SARM1: variants seen among roughly 807,000 people sequenced by gnomAD.
SARM1 encodes sterile alpha and TIR motif containing 1.
In SARM1, 60 loss-of-function variants were observed where a neutral mutation model predicts 65.1. The ratio of observed to expected loss-of-function variants is 0.92; its 90% confidence interval spans 0.75 to 1.14. SARM1 has a LOEUF of 1.14. SARM1 is among the 50% of genes most tolerant of loss of function. SARM1 has a pLI of 0.00. For synonymous variants in SARM1, 417 were observed against 465.4 expected (o/e 0.90, Z 1.34); for missense variants, 913 against 1,015.7 (o/e 0.90, Z 1.37).
Position 28,384,855 on chromosome 17 carries a change from G to GC in SARM1, c.1320dup (p.Asp441ArgfsTer28). ...CTCCCCCAGGAGCAGCAGGTGGATG[G>GC]CGACCTGCTTCTGCGGCTCACGGAG... On this transcript the variant is annotated frameshift_variant, in exon 4 of 9. Coordinates refer to ENST00000585482, the MANE Select transcript of SARM1 (RefSeq NM_015077.4). LOFTEE classifies it high-confidence loss of function. This position sits in a 1 kb window ranked among gnomAD's most constrained non-coding sequence, Gnocchi z 4.4. The GC allele has an allele frequency of 6.4e-7, 1 of 1,554,518 alleles. No individual in the cohort carries two copies. The highest frequency in any genetic ancestry group is 1.2e-5 in the South Asian group (1 of 84,208).
At chr17:28,377,461 A>G (rs1597816287) in intron 1 of SARM1, among the ~76,000 whole-genome samples, 1 of 152,336 alleles carries the variant, frequency 6.6e-6, no homozygotes, top group South Asian at 2.1e-4. Flanking sequence ...AAAATCAGCC[A>G]GACATGGTGG....
intron 2 of SARM1, among the ~76,000 whole-genome samples, chr17:28,383,353 T>C (rs1052933350): frequency 6.6e-6 from 1 of 152,124 alleles, no homozygotes; most frequent in Non-Finnish European, 1.5e-5. Flanking sequence ...CAGCCTGGGC[T>C]ACAAAGTGAG....
Position 28,403,017 on chromosome 17 carries a change from A to G in SARM1, c.*6731A>G, listed in dbSNP as rs1421389887. On this transcript the variant is annotated 3_prime_UTR_variant, in exon 9 of 9. Coordinates refer to ENST00000585482, the MANE Select transcript of SARM1 (RefSeq NM_015077.4). ...GAAGGCACAAAGAGGAGGAGAGTCA[A>G]TGTGAGCACAGAGGCAGAGACTGGT... 5.9e-5 allele frequency: 9 copies of G among 152,378 alleles called. No homozygotes were observed. Among genetic ancestry groups the G allele is most frequent in the African/African-American group, 1.9e-4 (8 of 41,564 alleles). 9.4% of individuals were successfully genotyped at this position (152,378 alleles called of 1,614,324 possible). A position where few individuals can be genotyped will look rare whatever the true frequency, so the allele number is the denominator to read the frequency against.
At chr17:28,379,327 T>TTC (rs1394243898) in intron 1 of SARM1, among the ~76,000 whole-genome samples, 3 of 146,780 alleles carry the variant, frequency 2.0e-5, no homozygotes, top group African/African-American at 7.6e-5. Context: ...TTTTTTTTTT[T>TTC]TGAGACGGAG....
chr17:28,382,727 C>T (rs1181188455), intron 2 of SARM1, among the ~76,000 whole-genome samples: 3 of 152,158 alleles, frequency 2.0e-5, no homozygotes, highest in Non-Finnish European at 4.4e-5. Flanking sequence ...GTGGATTGTA[C>T]TTTTTGGAAA....
At chr17:28,387,216 C>CTTTTG (rs1555586123) in intron 5 of SARM1, among the ~76,000 whole-genome samples, 5 of 149,702 alleles carry the variant, frequency 3.3e-5, no homozygotes, top group Non-Finnish European at 7.4e-5. Flanking sequence ...CTGGGCAATT[C>CTTTTG]TTTTCTTTTC....
chr17:28,400,462 C>T lies in SARM1; in HGVS notation c.*4176C>T, dbSNP rs1243340632. 2 of 1,010,468 alleles carry T rather than the reference C, an allele frequency of 2.0e-6. No homozygotes were observed. The highest frequency in any genetic ancestry group is 2.7e-5 in the Admixed American group (1 of 37,206). 62.6% of individuals were successfully genotyped at this position (1,010,468 alleles called of 1,614,324 possible). On this transcript the variant is annotated 3_prime_UTR_variant, in exon 9 of 9. Coordinates refer to ENST00000585482, the MANE Select transcript of SARM1 (RefSeq NM_015077.4). ...AATGGCTCCTGGAGGATTAGGCAGC[C>T]ATCTGCAAGGAGAGGGGCAACCTGG...
chr17:28,394,447 C>T (rs1257664787), intron 7 of SARM1, among the ~76,000 whole-genome samples: 1 of 152,204 alleles, frequency 6.6e-6, no homozygotes, highest in East Asian at 1.9e-4. Context: ...TGGGGTTTTT[C>T]CCACACTAAC....
Position 28,384,960 on chromosome 17 carries a change from G to A in SARM1, c.1394+30G>A, listed in dbSNP as rs1433502567. 6.3e-7 allele frequency: 1 copy of A among 1,583,806 alleles called. No individual in the cohort carries two copies. Among genetic ancestry groups the A allele is most frequent in the East Asian group, 2.3e-5 (1 of 43,040 alleles). The stretch of plus-strand genomic sequence containing the variant: ...GGAGCCTCCTGCCCGCCGGACCCCA[G>A]CTAGGTCTAAATAAGCTCCCCCTCC... On this transcript the variant is annotated intron_variant, in intron 4 of 8. Coordinates refer to ENST00000585482, the MANE Select transcript of SARM1 (RefSeq NM_015077.4). This position sits in a 1 kb window ranked among gnomAD's most constrained non-coding sequence, Gnocchi z 4.4.
chr17:28,389,348 G>A (rs1363896075), intron 7 of SARM1, among the ~76,000 whole-genome samples: 1 of 152,052 alleles, frequency 6.6e-6, no homozygotes, highest in African/African-American at 2.4e-5. Context: ...AATAATGGTA[G>A]CAATTATTAT....
rs554904668 is a variant in SARM1, at chr17:28,372,550, G to T, written c.470+48G>T. ...GGGAGAGCGCCGCGTGGTGTGGACAGTTAAGCGCCTGCGTTCCCGTGTGCC... is the reference window on the plus strand; with the variant it reads ...GGGAGAGCGCCGCGTGGTGTGGACATTTAAGCGCCTGCGTTCCCGTGTGCC... On this transcript the variant is annotated intron_variant, in intron 1 of 8. Transcript: ENST00000585482. This position sits in a 1 kb window ranked among gnomAD's most constrained non-coding sequence, Gnocchi z 5.2. The T allele has an allele frequency of 7.1e-7, 1 of 1,414,932 alleles. No individual in the cohort carries two copies. The allele number at this position is 1,414,932 out of a possible 1,614,324, so 87.6% of individuals were successfully genotyped here. A position where few individuals can be genotyped will look rare whatever the true frequency, so the allele number is the denominator to read the frequency against.
Position 28,396,214 on chromosome 17 carries a change from C to T in SARM1, c.2103C>T (p.Gly701=), listed in dbSNP as rs782804151. ...AGAAGATCATCCGCTTCCTGCAGGG[C>T]CGCTCCTCCCGGGACTCATCTGCAG... ...TIEKIIRFLQ[G]RSSRDSSAGS... The change falls in exon 9 of 9, where the codon GGC becomes GGT. Residue 701 remains glycine (G), a synonymous_variant. Transcript: ENST00000585482. The T allele has an allele frequency of 2.5e-6, 4 of 1,613,898 alleles. No homozygotes were observed. Among genetic ancestry groups the T allele is most frequent in the South Asian group, 2.2e-5 (2 of 91,094 alleles).
chr17:28,377,665 T>C (rs2068000484), intron 1 of SARM1, among the ~76,000 whole-genome samples: 1 of 152,054 alleles, frequency 6.6e-6, no homozygotes. Context: ...TGGCTAGGCC[T>C]CTACCTCTTT....
chr17:28,391,686 G>A (rs1356268464), intron 7 of SARM1, among the ~76,000 whole-genome samples: 1 of 141,752 alleles, frequency 7.1e-6, no homozygotes, highest in Non-Finnish European at 1.5e-5. Context: ...ATGGTACAAA[G>A]GAGGCTCTAT....
In SARM1 at chr17:28,385,076, C is replaced by G. The variant is rs1269370648; in HGVS notation, c.1431C>G (p.Ala477=). The G allele has an allele frequency of 1.9e-6, 3 of 1,613,784 alleles. No homozygotes were observed. Among genetic ancestry groups the G allele is most frequent in the Non-Finnish European group, 2.5e-6 (3 of 1,179,862 alleles). ...AGCTCACGGAGCTCAAGACCTTCGC[C>G]AACTATTCTACGTGCGACCGCAGCA... ...FRELTELKTF[A]NYSTCDRSNL... The change falls in exon 5 of 9, where the codon GCC becomes GCG. Residue 477 remains alanine (A), a synonymous_variant. Transcript: ENST00000585482. This position sits in a 1 kb window ranked among gnomAD's most constrained non-coding sequence, Gnocchi z 4.5.
intron 2 of SARM1, among the ~76,000 whole-genome samples, chr17:28,383,965 A>C (rs2068037057): frequency 6.6e-6 from 1 of 152,178 alleles, no homozygotes; most frequent in African/African-American, 2.4e-5. Flanking sequence ...GAGGTGTGAA[A>C]GCCTTGGAAT....
chr17:28,385,278 C>CAGCCCGCTCACCCGGG lies in SARM1; in HGVS notation c.1630+5_1630+20dup. ...CCGCATCCTCACGGCGGCCAGAGGT[C>CAGCCCGCTCACCCGGG]AGCCCGCTCACCCGGGACCCCGCCC... On this transcript the variant is annotated splice_donor_region_variant and intron_variant, in intron 5 of 8. Coordinates refer to ENST00000585482, the MANE Select transcript of SARM1 (RefSeq NM_015077.4). This position sits in a 1 kb window ranked among gnomAD's most constrained non-coding sequence, Gnocchi z 4.5. 20 of 1,528,318 alleles carry CAGCCCGCTCACCCGGG rather than the reference C, an allele frequency of 1.3e-5. No individual in the cohort carries two copies. The highest frequency in any genetic ancestry group is 1.8e-5 in the Non-Finnish European group (20 of 1,142,058). 94.7% of individuals were successfully genotyped at this position (1,528,318 alleles called of 1,614,324 possible). A position where few individuals can be genotyped will look rare whatever the true frequency, so the allele number is the denominator to read the frequency against.
At chr17:28,374,491 C>T (rs909305851) in intron 1 of SARM1, among the ~76,000 whole-genome samples, 16 of 151,892 alleles carry the variant, frequency 1.1e-4, no homozygotes, top group Non-Finnish European at 1.9e-4. Context: ...GAGCTGAGAG[C>T]GCGCCACTGC....
At chr17:28,387,866 G>C in intron 5 of SARM1, 1 of 389,124 alleles carries the variant, frequency 2.6e-6, no homozygotes, top group Non-Finnish European at 4.7e-6. Context: ...GAGATTTGGG[G>C]TGTGTTGAAT....
Sources: gnomAD v4.1 joint callset for allele counts (sites outside exome capture counted in the v4.1 genomes callset) on GRCh38, gnomAD v4.1.1 for gene constraint, Gnocchi (gnomAD v3.1) non-coding constraint, MANE v1.5 for transcripts, NCBI Gene and HGNC (gene_info 2026-07-23, HGNC 2026-07-21) for gene names.